The following ZSCAN5A variants were observed in gnomAD, a reference collection of about 807,000 sequenced individuals.
The protein encoded by ZSCAN5A is zinc finger and SCAN domain-containing protein 5A.
Under a neutral mutation model 23.7 loss-of-function variants are expected in ZSCAN5A, and 12 were observed. That is an observed-to-expected ratio of 0.51 (90% CI 0.32 to 0.82). The LOEUF (loss-of-function observed/expected upper bound fraction) is 0.82, where lower values mean the gene tolerates loss of function less well. Ranked by LOEUF, ZSCAN5A falls within the 40% of genes least tolerant of loss-of-function variation. ZSCAN5A has a pLI of 0.03. For synonymous variants in ZSCAN5A, 257 were observed against 239.9 expected (o/e 1.07, Z -0.66); for missense variants, 597 against 617.9 (o/e 0.97, Z 0.36).
chr19:56,321,725 C>T, intron 2 of ZSCAN5A: 1 of 1,400,556 alleles, frequency 7.1e-7, no homozygotes, highest in Non-Finnish European at 1.0e-6. Context: ...TCTTGATTTG[C>T]TGAGGACATA....
intron 2 of ZSCAN5A, among the ~76,000 whole-genome samples, chr19:56,260,994 G>A (rs1310820933): frequency 1.3e-5 from 2 of 151,844 alleles, no homozygotes; most frequent in African/African-American, 4.8e-5. Flanking sequence ...GATCATCTGA[G>A]GTCAGGAGTT....
intron 2 of ZSCAN5A, chr19:56,321,980 C>T: frequency 1.3e-6 from 1 of 780,134 alleles, no homozygotes; most frequent in Non-Finnish European, 2.4e-6. Flanking sequence ...CAAATTAGTG[C>T]TTCTGCTGCT....
At chr19:56,238,008 C>CACATATGCACACAT (rs1568627742) in intron 2 of ZSCAN5A, among the ~76,000 whole-genome samples, 1 of 768 alleles carries the variant, frequency 1.3e-3, no homozygotes, top group African/African-American at 5.1e-3. Flanking sequence ...CACACATACA[C>CACATATGCACACAT]ACACACGTCA....
rs1364269273 is a variant in ZSCAN5A at position 56,221,414 on chromosome 19, G to A, written c.*161C>T. On this transcript the variant is annotated 3_prime_UTR_variant, in exon 6 of 6. Coordinates refer to ENST00000683990, the MANE Select transcript of ZSCAN5A (RefSeq NM_001322064.3). ...AATGAAACAGAAAACAAAGCTCAGT[G>A]GGGAGGACACATATTTACTCAAACA... 2 of 764,950 alleles carry A rather than the reference G, an allele frequency of 2.6e-6. No individual in the cohort carries two copies. The highest frequency in any genetic ancestry group is 4.0e-6 in the Non-Finnish European group (2 of 494,092). The allele number at this position is 764,950 out of a possible 1,614,324, so 47.4% of individuals were successfully genotyped here.
intron 2 of ZSCAN5A, among the ~76,000 whole-genome samples, chr19:56,301,271 G>A (rs540029859): frequency 6.6e-6 from 1 of 152,156 alleles, no homozygotes; most frequent in Non-Finnish European, 1.5e-5. Context: ...TAAACAAGGG[G>A]TGGATTATTT....
At chr19:56,321,392 C>T (rs902192915) in intron 2 of ZSCAN5A, 9 of 646,840 alleles carry the variant, frequency 1.4e-5, no homozygotes, top group Non-Finnish European at 2.6e-5. Context: ...CAGATAGCTG[C>T]AGCATCCTTA....
At chr19:56,247,137 A>AC (rs773890190) in intron 2 of ZSCAN5A, 2 of 663,938 alleles carry the variant, frequency 3.0e-6, no homozygotes, top group South Asian at 3.6e-5. Context: ...CAGGAGAGAG[A>AC]CCCTTTCAAT....
chr19:56,342,749 T>A, intron 2 of ZSCAN5A: 1 of 687,914 alleles, frequency 1.5e-6, no homozygotes, highest in Non-Finnish European at 2.7e-6. Flanking sequence ...ATATTCATCA[T>A]CCAAGGCCAA....
rs138867745 is a variant in ZSCAN5A, at chr19:56,312,834, T to G, written c.-128+449A>C. On this transcript the variant is annotated intron_variant, in intron 2 of 5. Transcript: ENST00000683990. ...GTGTTTGTGTCCCCATGTCCTCCTC[T>G]GTTAAATGGGGATGTAGACTGCACC... Among the ~76,000 whole-genome samples, 904 of 152,374 alleles carry G rather than the reference T, an allele frequency of 5.9e-3. 10 individuals carry two copies. Among genetic ancestry groups the G allele is most frequent in the African/African-American group, 0.02 (848 of 41,588 alleles).
chr19:56,322,055 G>C (rs1005652198), intron 2 of ZSCAN5A: 5 of 771,608 alleles, frequency 6.5e-6, no homozygotes, highest in Admixed American at 1.7e-5. Flanking sequence ...ACGGCATCTA[G>C]TGCACAGCCA....
intron 3 of ZSCAN5A, 58 bp downstream of exon 3, chr19:56,224,605 C>A (rs557944656): frequency 6.5e-7 from 1 of 1,546,494 alleles, no homozygotes; most frequent in South Asian, 1.2e-5. Context: ...TCCAGCTGCA[C>A]CGTGCAGCCC....
At chr19:56,259,884 G>A (rs1164529198) in intron 2 of ZSCAN5A, among the ~76,000 whole-genome samples, 1 of 152,234 alleles carries the variant, frequency 6.6e-6, no homozygotes, top group Non-Finnish European at 1.5e-5. Flanking sequence ...TGAGGTGGAG[G>A]CTAGTTTAAG....
intron 2 of ZSCAN5A, among the ~76,000 whole-genome samples, chr19:56,267,756 T>C (rs1214900312): frequency 6.6e-6 from 1 of 152,184 alleles, no homozygotes; most frequent in Non-Finnish European, 1.5e-5. Flanking sequence ...TTTTCATCTA[T>C]AAAATGACGC....
At chr19:56,279,886 CAA>C (rs2038554761) in intron 2 of ZSCAN5A, among the ~76,000 whole-genome samples, 1 of 151,862 alleles carries the variant, frequency 6.6e-6, no homozygotes, top group African/African-American at 2.4e-5. Flanking sequence ...TTTCAATTAA[CAA>C]AACAGTATTT....
At chr19:56,237,278 C>T (rs924677484) in intron 2 of ZSCAN5A, among the ~76,000 whole-genome samples, 14 of 152,190 alleles carry the variant, frequency 9.2e-5, no homozygotes, top group African/African-American at 3.1e-4. Flanking sequence ...AACAGCTCCA[C>T]GTACAATTTT....
chr19:56,221,507 C>T lies in ZSCAN5A; in HGVS notation c.*68G>A, dbSNP rs2033150604. 2.0e-6 allele frequency: 3 copies of T among 1,518,414 alleles called. No homozygotes were observed. The highest frequency in any genetic ancestry group is 4.5e-5 in the East Asian group (2 of 44,150). 94.1% of individuals were successfully genotyped at this position (1,518,414 alleles called of 1,614,324 possible). A position where few individuals can be genotyped will look rare whatever the true frequency, so the allele number is the denominator to read the frequency against. On this transcript the variant is annotated 3_prime_UTR_variant, in exon 6 of 6. Transcript: ENST00000683990. ...CGCCCTTGCATGTGTCAAATGTCAT[C>T]TGATAACATTGATGAAAAATATCAT... is the stretch of plus-strand genomic sequence containing the variant.
chr19:56,285,743 T>A (rs2039065382), intron 2 of ZSCAN5A, among the ~76,000 whole-genome samples: 2 of 152,198 alleles, frequency 1.3e-5, no homozygotes, highest in Non-Finnish European at 2.9e-5. Context: ...CCTCCCAAAG[T>A]GCTGGGATTA....
chr19:56,319,495 C>T (rs10426433), upstream of ZSCAN5A, among the ~76,000 whole-genome samples: 2,159 of 45,122 alleles, frequency 0.048, 40 homozygotes, highest in African/African-American at 0.17. Flanking sequence ...GGCTCCATCT[C>T]GGGAAAAAAA....
chr19:56,343,677 C>A (rs558275307), intron 2 of ZSCAN5A, among the ~76,000 whole-genome samples: 11 of 152,356 alleles, frequency 7.2e-5, no homozygotes, highest in African/African-American at 2.2e-4. Flanking sequence ...TTGCCTCCGG[C>A]ACTCACTGCC....
Sources: allele counts gnomAD v4.1 joint callset (sites outside exome capture counted in the v4.1 genomes callset), GRCh38; gene constraint gnomAD v4.1.1; transcripts MANE v1.5; gene names NCBI Gene and HGNC (gene_info 2026-07-23, HGNC 2026-07-21).